The following CD109 variants were observed in gnomAD, a reference collection of about 807,000 sequenced individuals.
CD109 encodes CD109 molecule.
A neutral mutation model predicts 165.8 loss-of-function variants in CD109; 149 were observed. The ratio of observed to expected loss-of-function variants is 0.90; its 90% CI spans 0.79 to 1.03. The LOEUF is 1.03. Ranked by LOEUF, CD109 falls within the 50% of genes least tolerant of loss-of-function variation. CD109 has a pLI of 0.00. For synonymous variants in CD109, 585 were observed against 592.1 expected (o/e 0.99, Z 0.18); for missense variants, 1,712 against 1,677.8 (o/e 1.02, Z -0.36).
At position 73,788,452 on chromosome 6, in the gene CD109, T is replaced by C. The variant is rs896939166; in HGVS notation, c.2557-16T>C. ...TGAGTAGAGACCATGTTAATTGTGT[T>C]CATTTTTTTCAACAGGCTGAAGGAA... On this transcript the variant is annotated splice_polypyrimidine_tract_variant and intron_variant, in intron 21 of 32. Transcript: ENST00000287097. The C allele has an allele frequency of 2.4e-5, 39 of 1,606,414 alleles. No homozygotes were observed. Among genetic ancestry groups the C allele is most frequent in the Non-Finnish European group, 3.2e-5 (38 of 1,177,702 alleles).
At chr6:73,809,166 A>G (rs933475694) in intron 26 of CD109, among the ~76,000 whole-genome samples, 3 of 152,104 alleles carry the variant, frequency 2.0e-5, no homozygotes, top group Non-Finnish European at 2.9e-5. Context: ...ACCAAGTAGG[A>G]TGGTCCTCTG....
intron 2 of CD109, among the ~76,000 whole-genome samples, chr6:73,700,346 G>A (rs1466725043): frequency 2.0e-5 from 3 of 151,544 alleles, no homozygotes; most frequent in Non-Finnish European, 4.4e-5. Context: ...TCAGCCTCCC[G>A]AAGTGCTGGG....
chr6:73,760,342 G>A (rs2150220390), intron 7 of CD109, among the ~76,000 whole-genome samples: 2 of 144,224 alleles, frequency 1.4e-5, no homozygotes, highest in East Asian at 4.3e-4. Context: ...GGGAGGCGGA[G>A]CTTGCAGTGA....
intron 20 of CD109, among the ~76,000 whole-genome samples, 153 bp from the exon 21 acceptor site, chr6:73,787,081 T>A (rs1476737645): frequency 1.3e-5 from 2 of 152,196 alleles, no homozygotes; most frequent in African/African-American, 4.8e-5. Context: ...TTTTTCCTGA[T>A]ACTCTTTGAT....
At chr6:73,783,924 A>C (rs181171581) in intron 19 of CD109, 100 bp downstream of exon 19, 2 of 657,518 alleles carry the variant, frequency 3.0e-6, no homozygotes, top group East Asian at 5.2e-5. Flanking sequence ...TATAATGTTT[A>C]TCACAGTTTA....
intron 3 of CD109, among the ~76,000 whole-genome samples, chr6:73,724,460 G>A (rs1166870219): frequency 6.6e-6 from 1 of 152,098 alleles, no homozygotes; most frequent in East Asian, 1.9e-4. Flanking sequence ...CATGCTTAAT[G>A]TACAGTATAG....
chr6:73,766,896 A>G lies in CD109; in HGVS notation c.1434+36A>G, dbSNP rs114655381. On this transcript the variant is annotated intron_variant, in intron 12 of 32. Transcript: ENST00000287097. ...CAATTCACTTGAGAATTACAATATA[A>G]TTGGACTATCTTGCTTTTGATATGT... 915 of 1,608,104 alleles carry G rather than the reference A, an allele frequency of 5.7e-4. 2 individuals are homozygous for G. In the African/African-American group the frequency reaches 8.9e-3, roughly 16 times the overall value.
At chr6:73,790,471 C>G (rs569855870) in intron 22 of CD109, among the ~76,000 whole-genome samples, 1 of 152,188 alleles carries the variant, frequency 6.6e-6, no homozygotes, top group South Asian at 2.1e-4. Context: ...GAAACAGAAC[C>G]AATAGGAGAT....
At chr6:73,781,360 A>T (rs774232967) in intron 17 of CD109, 41 bp downstream of exon 17, 16 of 1,488,280 alleles carry the variant, frequency 1.1e-5, no homozygotes, top group Non-Finnish European at 1.4e-5. Flanking sequence ...TGTCTTTCAC[A>T]TGATATTCAA....
chr6:73,705,975 G>A (rs1244439569), intron 2 of CD109, among the ~76,000 whole-genome samples: 1 of 152,140 alleles, frequency 6.6e-6, no homozygotes, highest in Non-Finnish European at 1.5e-5. Context: ...AAGTGGTTAA[G>A]GCAAAGGAGA....
intron 6 of CD109, among the ~76,000 whole-genome samples, chr6:73,758,662 C>T (rs886302150): frequency 6.6e-6 from 1 of 152,064 alleles, no homozygotes. Flanking sequence ...GAATTACAGG[C>T]GTGAGCCACT....
intron 5 of CD109, among the ~76,000 whole-genome samples, chr6:73,737,447 T>C (rs1456541809): frequency 7.4e-6 from 1 of 134,814 alleles, no homozygotes; most frequent in East Asian, 2.4e-4. Flanking sequence ...TTATTCTTTT[T>C]AAGGTAGCAG....
At chr6:73,798,110 G>GTTTTTTTTTTTTTTT (rs57382539) in intron 23 of CD109, among the ~76,000 whole-genome samples, 1 of 142,518 alleles carries the variant, frequency 7.0e-6, no homozygotes. Flanking sequence ...TCAGTGTCCT[G>GTTTTTTTTTTTTTTT]TTTTTTTTTT....
Position 73,785,486 on chromosome 6 carries a change from T to G in CD109, c.2337+9T>G, listed in dbSNP as rs541862954. On this transcript the variant is annotated intron_variant, in intron 20 of 32. Transcript: ENST00000287097. ...TGAAAGATGCCACTGAGGTAATGTATTCAAGCTTTTGTTGATCATTTACAC... is the reference window on the plus strand; with the variant it reads ...TGAAAGATGCCACTGAGGTAATGTAGTCAAGCTTTTGTTGATCATTTACAC... 1 of 1,439,052 alleles carries G rather than the reference T, an allele frequency of 6.9e-7. No individual in the cohort carries two copies. The highest frequency in any genetic ancestry group is 1.2e-5 in the South Asian group (1 of 83,650). 89.1% of individuals were successfully genotyped at this position (1,439,052 alleles called of 1,614,324 possible). A position where few individuals can be genotyped will look rare whatever the true frequency, so the allele number is the denominator to read the frequency against.
At chr6:73,734,924 A>G (rs1772490009) in intron 4 of CD109, among the ~76,000 whole-genome samples, 1 of 152,248 alleles carries the variant, frequency 6.6e-6, no homozygotes, top group South Asian at 2.1e-4. Flanking sequence ...TTTAACAAAA[A>G]TATGTATTCA....
rs76165697 is a variant in CD109, at chr6:73,763,975, A to G, written c.1107+290A>G. 1.5e-3 allele frequency among the ~76,000 whole-genome samples: 223 copies of G among 152,330 alleles called. 2 individuals carry two copies. In the East Asian group the frequency reaches 0.027, roughly 18 times the overall value. ...ACTGAAGCTTTTATTAATTAATTGA[A>G]ATAATTACATGGTAGTCAAAAATTT... On this transcript the variant is annotated intron_variant, in intron 10 of 32. Transcript: ENST00000287097.
chr6:73,783,742 C>G lies in CD109; in HGVS notation c.2141C>G (p.Pro714Arg), dbSNP rs747800969. 2.5e-6 allele frequency: 4 copies of G among 1,612,474 alleles called. No homozygotes were observed. The Admixed American group carries it at 6.7e-5, about 27-fold the overall frequency. The stretch of plus-strand genomic sequence containing the variant: ...TACCAAGAATTTGAAGTAACTGTAC[C>G]TGATTCTATCACTTCTTGGGTGGCT... The part of the protein sequence containing the change: ...RIYQEFEVTV[P>R]DSITSWVATG... The change falls in exon 19 of 33, where the codon CCT (proline) becomes CGT (arginine). Residue 714 changes from proline to arginine, a missense_variant. By Grantham distance (103) the Pro-to-Arg change is moderately radical. Transcript: ENST00000287097.
At chr6:73,750,866 A>T (rs151144441) in intron 5 of CD109, among the ~76,000 whole-genome samples, 87 of 152,080 alleles carry the variant, frequency 5.7e-4, no homozygotes, top group African/African-American at 2.0e-3. Context: ...ATTCTTCCCT[A>T]CTCCTTGGAT....
Position 73,803,236 on chromosome 6 carries a change from T to A in CD109, c.2895T>A (p.Leu965=). ...SFMRQGYQRE[L]LYQREDGSFS... ...TGTGTCTAGGTTACCAGAGAGAACTTCTCTATCAGAGGGAAGATGGCTCTT... is the reference window on the plus strand; with the variant it reads ...TGTGTCTAGGTTACCAGAGAGAACTACTCTATCAGAGGGAAGATGGCTCTT... Residue 965 remains leucine (L), a synonymous_variant, in exon 24 of 33, where the codon CTT becomes CTA. Transcript: ENST00000287097. 1 of 1,611,044 alleles carries A rather than the reference T, an allele frequency of 6.2e-7. No individual in the cohort carries two copies. Among genetic ancestry groups the A allele is most frequent in the East Asian group, 2.2e-5 (1 of 44,638 alleles).
Sources: allele counts gnomAD v4.1 joint callset (sites outside exome capture counted in the v4.1 genomes callset), GRCh38; gene constraint gnomAD v4.1.1; transcripts MANE v1.5; gene names NCBI Gene and HGNC (gene_info 2026-07-23, HGNC 2026-07-21).